Variants in TRIP13 observed in about 807,000 individuals in gnomAD.
TRIP13 encodes the protein pachytene checkpoint protein 2 homolog.
TRIP13 carries 25 observed loss-of-function variants against 54.4 expected under a neutral mutation model. The observed-to-expected ratio is 0.46, with a 90% CI of 0.33 to 0.64. The LOEUF (loss-of-function observed/expected upper bound fraction) is 0.64, where lower values mean the gene tolerates loss of function less well. TRIP13 is among the 30% of genes least tolerant of loss of function. The pLI, the probability that TRIP13 is intolerant of heterozygous loss-of-function variation, is 0.02. For missense variants in TRIP13, 373 were observed against 534.2 expected, an observed-to-expected ratio of 0.70 and a Z score of 2.97; for synonymous variants, 207 against 207.8, an observed-to-expected ratio of 1.00 and a Z score of 0.03.
chr5:892,896 A>C lies in TRIP13; in HGVS notation c.-103A>C, dbSNP rs1753684060. The C allele has an allele frequency of 8.3e-7, 1 of 1,204,882 alleles. No individual in the cohort carries two copies. The highest frequency in any genetic ancestry group is 3.1e-5 in the East Asian group (1 of 31,996). 74.6% of individuals were successfully genotyped at this position (1,204,882 alleles called of 1,614,324 possible). A position where few individuals can be genotyped will look rare whatever the true frequency, so the allele number is the denominator to read the frequency against. On this transcript the variant is annotated 5_prime_UTR_variant, in exon 1 of 13. Coordinates refer to ENST00000166345, the MANE Select transcript of TRIP13 (RefSeq NM_004237.4). ...CGCCTCGCGCGGCAGATTCGAAGCT[A>C]GGGCGGGGCCCGCGGGCTGAGGCAG...
rs116260538 is a variant in TRIP13, at chr5:910,665, C to T, written c.867-1178C>T. ...CTTGCCTCTCTTGCCTTCATTCCCT[C>T]GTGCTTCTGGTTCCAGCCCCTCTCT... On this transcript the variant is annotated intron_variant, in intron 9 of 12. Coordinates refer to ENST00000166345, the MANE Select transcript of TRIP13 (RefSeq NM_004237.4). Among the ~76,000 whole-genome samples, 1,218 of 152,306 alleles carry T rather than the reference C, an allele frequency of 8.0e-3. 18 individuals are homozygous for T. Among genetic ancestry groups the T allele is most frequent in the African/African-American group, 0.027 (1,124 of 41,566 alleles).
At chr5:906,689 C>G (rs1019933245) in intron 6 of TRIP13, among the ~76,000 whole-genome samples, 3 of 152,208 alleles carry the variant, frequency 2.0e-5, no homozygotes, top group Admixed American at 6.5e-5. Flanking sequence ...TCCAGTCAGT[C>G]TGTGTGTGTT....
chr5:896,989 T>C (rs1165689556), intron 3 of TRIP13, among the ~76,000 whole-genome samples, 195 bp downstream of exon 3: 1 of 152,254 alleles, frequency 6.6e-6, no homozygotes, highest in Non-Finnish European at 1.5e-5. Flanking sequence ...ATACTGTTCC[T>C]TTGGGTGGGT....
Position 911,964 on chromosome 5 carries a change from AT to A in TRIP13, c.989del (p.Ile330ThrfsTer9). On this transcript the variant is annotated frameshift_variant, in exon 10 of 13. Transcript: ENST00000166345. LOFTEE classifies it high-confidence loss of function. The surrounding 1 kb of genome is among the most constrained non-coding windows in gnomAD (Gnocchi z 4.7). ...ACCCTCTGCAGCAGCCATCTTCAAA[AT>A]CTACCTCTCTTGTTTGGAAGAACTG... The part of the protein sequence containing the change: ...GPPSAAAIFK[I>X]YLSCLEELMK... 6.2e-7 allele frequency: 1 copy of A among 1,613,366 alleles called. No homozygotes were observed.
intron 2 of TRIP13, among the ~76,000 whole-genome samples, 170 bp from the exon 3 acceptor site, chr5:896,495 C>T (rs973688065): frequency 3.3e-5 from 5 of 152,078 alleles, no homozygotes; most frequent in African/African-American, 1.2e-4. Flanking sequence ...TTCAAAAGAG[C>T]CAATCCTCAA....
intron 1 of TRIP13, 25 bp downstream of exon 1, chr5:893,115 C>G (rs558683340): frequency 9.0e-6 from 14 of 1,558,712 alleles, no homozygotes; most frequent in African/African-American, 2.7e-5. Context: ...TCCGACACAT[C>G]CTCTGGGCAC....
chr5:894,469 G>A (rs753360825), intron 1 of TRIP13, among the ~76,000 whole-genome samples: 4 of 152,200 alleles, frequency 2.6e-5, no homozygotes, highest in East Asian at 1.9e-4. Flanking sequence ...ACATTATTGC[G>A]TGCTTACTAT....
rs928173621 is a variant in TRIP13, at chr5:915,532, C to T, written c.1134-372C>T. 1.3e-5 allele frequency among the ~76,000 whole-genome samples: 2 copies of T among 151,028 alleles called. No homozygotes were observed. Among genetic ancestry groups the T allele is most frequent in the Admixed American group, 6.6e-5 (1 of 15,254 alleles). On this transcript the variant is annotated intron_variant, in intron 11 of 12. Coordinates refer to ENST00000166345, the MANE Select transcript of TRIP13 (RefSeq NM_004237.4). The surrounding 1 kb of genome is among the most constrained non-coding windows in gnomAD (Gnocchi z 4.2). ...CCGGGCAGGTGATGCATTCCCTGAG[C>T]GCAAGGATGCTGGCCCTGGGGCAGA...
chr5:910,410 A>G (rs966410982), intron 9 of TRIP13, among the ~76,000 whole-genome samples: 3 of 152,062 alleles, frequency 2.0e-5, no homozygotes, highest in Non-Finnish European at 2.9e-5. Flanking sequence ...TGTGGGGGGA[A>G]TCCCAGACCT....
rs1346055502 is a variant in TRIP13 at position 917,960 on chromosome 5, G to T, written c.*857G>T. Reference sequence around the variant, plus strand: ...CACAGTAAAATAAATATAATTAATGGTTTGCATGTGAAATTCACTTTTGAA... The same window carrying T: ...CACAGTAAAATAAATATAATTAATGTTTTGCATGTGAAATTCACTTTTGAA... On this transcript the variant is annotated 3_prime_UTR_variant, in exon 13 of 13. Coordinates refer to ENST00000166345, the MANE Select transcript of TRIP13 (RefSeq NM_004237.4). The T allele has an allele frequency of 6.6e-6, 1 of 152,116 alleles. No individual in the cohort carries two copies. The highest frequency in any genetic ancestry group is 2.4e-5 in the African/African-American group (1 of 41,388). 9.4% of individuals were successfully genotyped at this position (152,116 alleles called of 1,614,324 possible).
rs761643591 is a variant in TRIP13, at chr5:914,509, G to T, written c.1065G>T (p.Glu355Asp). 6.2e-7 allele frequency: 1 copy of T among 1,613,612 alleles called. No individual in the cohort carries two copies. Among genetic ancestry groups the T allele is most frequent in the South Asian group, 1.1e-5 (1 of 91,058 alleles). ...GCCAGCAGCTGCTGACCCTCCGAGA[G>T]CTAGAGATGATTGGCTTCATTGAAA... ...YPRQQLLTLR[E>D]LEMIGFIENN... The change falls in exon 11 of 13, where the codon GAG becomes GAT. Residue 355 changes from glutamate (E) to aspartate (D), a missense_variant. Physicochemically the swap from Glu to Asp is conservative, Grantham distance 45. Around this residue, in one of 4 missense-constraint regions of TRIP13, gnomAD observed 101 missense variants for 138.5 expected, o/e 0.73. Transcript: ENST00000166345.
intron 5 of TRIP13, 50 bp from the exon 6 acceptor site, chr5:904,098 T>G: frequency 1.3e-6 from 2 of 1,537,180 alleles, no homozygotes; most frequent in Non-Finnish European, 1.8e-6. Flanking sequence ...TTTTAAGAAA[T>G]TTGTTGTAGC....
chr5:908,139 T>C lies in TRIP13; in HGVS notation c.759+65T>C. ...CTTTTGCCATTGTGGGGACACAGCC[T>C]ACTCCTGATGCTCCTAGCTTTCCCC... On this transcript the variant is annotated intron_variant, in intron 8 of 12. Coordinates refer to ENST00000166345, the MANE Select transcript of TRIP13 (RefSeq NM_004237.4). This position sits in a 1 kb window ranked among gnomAD's most constrained non-coding sequence, Gnocchi z 5.2. 6.4e-7 allele frequency: 1 copy of C among 1,561,814 alleles called. No homozygotes were observed. Among genetic ancestry groups the C allele is most frequent in the Non-Finnish European group, 8.8e-7 (1 of 1,132,846 alleles).
intron 5 of TRIP13, 54 bp from the exon 6 acceptor site, chr5:904,094 G>T (rs1259463287): frequency 1.2e-5 from 18 of 1,528,786 alleles, no homozygotes; most frequent in Non-Finnish European, 1.2e-5. Context: ...GTTGTTTTAA[G>T]AAATTTGTTG....
At chr5:914,022 C>T (rs1754294193) in intron 10 of TRIP13, among the ~76,000 whole-genome samples, 2 of 152,110 alleles carry the variant, frequency 1.3e-5, no homozygotes, top group Middle Eastern at 3.2e-3. Flanking sequence ...CAAGCCTCAC[C>T]TTTAAAACAG....
intron 3 of TRIP13, among the ~76,000 whole-genome samples, chr5:899,971 A>C (rs1434476623): frequency 6.6e-6 from 1 of 152,074 alleles, no homozygotes; most frequent in African/African-American, 2.4e-5. Context: ...GGCCAAGCCC[A>C]GGGCTTCATT....
At position 917,243 on chromosome 5, in the gene TRIP13, C is replaced by A; in HGVS notation, c.*140C>A. 1 of 695,222 alleles carries A rather than the reference C, an allele frequency of 1.4e-6. No homozygotes were observed. The highest frequency in any genetic ancestry group is 2.4e-6 in the Non-Finnish European group (1 of 422,958). 43.1% of individuals were successfully genotyped at this position (695,222 alleles called of 1,614,324 possible). A position where few individuals can be genotyped will look rare whatever the true frequency, so the allele number is the denominator to read the frequency against. ...ACTGCAAGCTAGAAAGCCACCAAGG[C>A]CAGGCTTTGTTAAAAGAAGTGTATT... On this transcript the variant is annotated 3_prime_UTR_variant, in exon 13 of 13. Transcript: ENST00000166345.
rs1440399388 is a variant in TRIP13 at position 892,957 on chromosome 5, C to T, written c.-42C>T. The T allele has an allele frequency of 2.2e-5, 31 of 1,441,482 alleles. No homozygotes were observed. In the African/African-American group the frequency reaches 4.0e-4, roughly 19 times the overall value. 89.3% of individuals were successfully genotyped at this position (1,441,482 alleles called of 1,614,324 possible). On this transcript the variant is annotated 5_prime_UTR_variant, in exon 1 of 13. Transcript: ENST00000166345. Reference sequence around the variant, plus strand: ...GGCGACGCTGGGCGTGAGGTGGCGGCGGCCGCGCCCTGGTTGGGTCCCCAC... The same window carrying T: ...GGCGACGCTGGGCGTGAGGTGGCGGTGGCCGCGCCCTGGTTGGGTCCCCAC...
intron 4 of TRIP13, 43 bp from the exon 5 acceptor site, chr5:901,298 C>T (rs1356436436): frequency 3.1e-6 from 5 of 1,593,144 alleles, no homozygotes; most frequent in Middle Eastern, 1.7e-4. Flanking sequence ...GGACCTTTGC[C>T]TTGTTGGTAT....
Sources: allele counts gnomAD v4.1 joint callset (sites outside exome capture counted in the v4.1 genomes callset), GRCh38; gene constraint gnomAD v4.1.1; regional missense constraint gnomAD v4.1.1; non-coding constraint Gnocchi (gnomAD v3.1); transcripts MANE v1.5; gene names NCBI Gene and HGNC (gene_info 2026-07-23, HGNC 2026-07-21).